SSBP2: variants seen among roughly 807,000 people sequenced by gnomAD.
SSBP2 encodes single-stranded DNA-binding protein 2.
Under a neutral mutation model 61.8 loss-of-function variants are expected in SSBP2, and 17 were observed. The ratio of observed to expected loss-of-function variants is 0.28; its 90% confidence interval spans 0.19 to 0.41. The LOEUF is 0.41. Among genes scored for constraint, SSBP2 ranks in the 10% least tolerant of loss-of-function variants. The pLI is 1.00. For missense variants in SSBP2, 310 were observed against 458.7 expected (o/e 0.68, Z 2.96); for synonymous variants, 139 against 141.3 (o/e 0.98, Z 0.12).
chr5:81,671,066 C>T (rs1751546464), intron 1 of SSBP2, among the ~76,000 whole-genome samples: 1 of 152,152 alleles, frequency 6.6e-6, no homozygotes, highest in Non-Finnish European at 1.5e-5. Context: ...AAAAGAAATG[C>T]TTCAGATGAA....
At chr5:81,441,281 G>T (rs960043539) in intron 13 of SSBP2, among the ~76,000 whole-genome samples, 1 of 151,964 alleles carries the variant, frequency 6.6e-6, no homozygotes, top group Non-Finnish European at 1.5e-5. Context: ...TTTTCAGGTG[G>T]AATCTTACAT....
At chr5:81,710,347 T>C (rs1754686463) in intron 1 of SSBP2, among the ~76,000 whole-genome samples, 1 of 152,094 alleles carries the variant, frequency 6.6e-6, no homozygotes, top group African/African-American at 2.4e-5. Flanking sequence ...GTATCTTGTA[T>C]CAGTTTTACC....
intron 4 of SSBP2, among the ~76,000 whole-genome samples, chr5:81,516,237 A>C (rs1769010480): frequency 1.3e-5 from 2 of 152,076 alleles, no homozygotes; most frequent in African/African-American, 4.8e-5. Context: ...TTCAAGATGT[A>C]CCACATTTTT....
chr5:81,603,056 G>C (rs1176005063), intron 4 of SSBP2, among the ~76,000 whole-genome samples: 2 of 152,112 alleles, frequency 1.3e-5, no homozygotes, highest in Non-Finnish European at 2.9e-5. Context: ...ATTCTGTTAT[G>C]ATTACCTATT....
rs964892440 is a variant in SSBP2, at chr5:81,414,314, C to A, written c.*6190G>T. On this transcript the variant is annotated 3_prime_UTR_variant, in exon 17 of 17. Coordinates refer to ENST00000320672, the MANE Select transcript of SSBP2 (RefSeq NM_012446.5). Reference sequence around the variant, plus strand: ...AAGATGAAGACAGCAAAAATATTCACATTAAAATATCTTACAGAAATCATT... The same window carrying A: ...AAGATGAAGACAGCAAAAATATTCAAATTAAAATATCTTACAGAAATCATT... 2.0e-5 allele frequency: 3 copies of A among 152,092 alleles called. No homozygotes were observed. The highest frequency in any genetic ancestry group is 7.2e-5 in the African/African-American group (3 of 41,406). 9.4% of individuals were successfully genotyped at this position (152,092 alleles called of 1,614,324 possible).
intron 1 of SSBP2, among the ~76,000 whole-genome samples, chr5:81,743,222 A>T (rs1201677501): frequency 6.6e-6 from 1 of 152,156 alleles, no homozygotes; most frequent in Non-Finnish European, 1.5e-5. Context: ...TCTTCATCCC[A>T]ATTTTCACTC....
intron 1 of SSBP2, among the ~76,000 whole-genome samples, chr5:81,738,934 G>C (rs1756811194): frequency 6.6e-6 from 1 of 152,026 alleles, no homozygotes; most frequent in Non-Finnish European, 1.5e-5. Flanking sequence ...GGTGGCTGAG[G>C]TGGGTGGATC....
At chr5:81,729,420 C>G (rs1024475596) in intron 1 of SSBP2, among the ~76,000 whole-genome samples, 1 of 152,128 alleles carries the variant, frequency 6.6e-6, no homozygotes, top group African/African-American at 2.4e-5. Context: ...GATATACACA[C>G]AGCAAAATGG....
chr5:81,489,134 A>G, intron 6 of SSBP2, 116 bp downstream of exon 6: 1 of 911,452 alleles, frequency 1.1e-6, no homozygotes, highest in Non-Finnish European at 1.7e-6. Context: ...GACTAGAAAT[A>G]GCATTAAATG....
chr5:81,551,211 A>G (rs1439490479), intron 4 of SSBP2, among the ~76,000 whole-genome samples: 1 of 151,952 alleles, frequency 6.6e-6, no homozygotes, highest in Non-Finnish European at 1.5e-5. Context: ...AGCCTATACA[A>G]TTTTTTCCTG....
At chr5:81,519,958 C>G (rs2154092221) in intron 4 of SSBP2, among the ~76,000 whole-genome samples, 1 of 151,266 alleles carries the variant, frequency 6.6e-6, no homozygotes, top group Middle Eastern at 3.4e-3. Context: ...TTTCAAACAT[C>G]TTAATTAAAT....
intron 1 of SSBP2, among the ~76,000 whole-genome samples, chr5:81,736,898 C>A (rs1756659518): frequency 6.6e-6 from 1 of 152,174 alleles, no homozygotes; most frequent in African/African-American, 2.4e-5. Context: ...TGATTGGTAG[C>A]CAGAGTGGGC....
intron 1 of SSBP2, among the ~76,000 whole-genome samples, chr5:81,744,982 T>G (rs1310773650): frequency 6.6e-6 from 1 of 152,172 alleles, no homozygotes; most frequent in Non-Finnish European, 1.5e-5. Context: ...TGAGTCCAGA[T>G]GAATTTTTGG....
intron 3 of SSBP2, among the ~76,000 whole-genome samples, chr5:81,624,522 C>T (rs1746941549): frequency 6.6e-6 from 1 of 152,072 alleles, no homozygotes; most frequent in African/African-American, 2.4e-5. Context: ...CTCTAATAAG[C>T]ATTTCCTTTG....
At chr5:81,652,242 TTAAG>T (rs544950395) in intron 1 of SSBP2, among the ~76,000 whole-genome samples, 1 of 142,756 alleles carries the variant, frequency 7.0e-6, no homozygotes, top group Non-Finnish European at 1.5e-5. Context: ...CCCCATTCCT[TTAAG>T]TGAGTTACCT....
chr5:81,590,441 G>A lies in SSBP2; in HGVS notation c.282+25032C>T, dbSNP rs75755915. Among the ~76,000 whole-genome samples the A allele has an allele frequency of 9.6e-3, 1,463 of 152,280 alleles. 16 individuals are homozygous for A. Among genetic ancestry groups the A allele is most frequent in the African/African-American group, 0.033 (1,379 of 41,542 alleles). ...ACATTTTCTTTAACTCTATCAAAGA[G>A]CTCATCAAGGACAAGCAGGACATGA... On this transcript the variant is annotated intron_variant, in intron 4 of 16. Coordinates refer to ENST00000320672, the MANE Select transcript of SSBP2 (RefSeq NM_012446.5).
intron 10 of SSBP2, among the ~76,000 whole-genome samples, chr5:81,452,094 A>G (rs2153981597): frequency 6.6e-6 from 1 of 152,324 alleles, no homozygotes; most frequent in African/African-American, 2.4e-5. Context: ...AAAAACAAAG[A>G]AAGAAAGAAA....
chr5:81,573,565 T>G (rs1773983317), intron 4 of SSBP2, among the ~76,000 whole-genome samples: 2 of 152,156 alleles, frequency 1.3e-5, no homozygotes, highest in African/African-American at 4.8e-5. Flanking sequence ...AAGATCATTT[T>G]AAATCATCTC....
intron 8 of SSBP2, among the ~76,000 whole-genome samples, chr5:81,472,965 T>C (rs1421309698): frequency 6.6e-6 from 1 of 152,216 alleles, no homozygotes; most frequent in African/African-American, 2.4e-5. Context: ...CAGTTACCTT[T>C]TGAATAGTAA....
Sources: gnomAD v4.1 joint callset for allele counts (sites outside exome capture counted in the v4.1 genomes callset) on GRCh38, gnomAD v4.1.1 for gene constraint, MANE v1.5 for transcripts, NCBI Gene and HGNC (gene_info 2026-07-23, HGNC 2026-07-21) for gene names.